The following ZNF676 variants were observed in gnomAD, a reference collection of about 807,000 sequenced individuals.
The protein encoded by ZNF676 is zinc finger protein 676.
In ZNF676, 4 loss-of-function variants were observed where a neutral mutation model predicts 6.0. The ratio of observed to expected loss-of-function variants is 0.67; its 90% CI spans 0.33 to 1.53. The LOEUF is 1.53. Among genes scored for constraint, ZNF676 ranks in the 40% most tolerant of loss-of-function variants. ZNF676 has a pLI of 0.06. For missense variants in ZNF676, 644 were observed against 679.7 expected, an observed-to-expected ratio of 0.95 and a Z score of 0.58; for synonymous variants, 198 against 223.1, an observed-to-expected ratio of 0.89 and a Z score of 1.00.
chr19:22,215,969 C>G (rs527624902), upstream of ZNF676, among the ~76,000 whole-genome samples: 2 of 152,340 alleles, frequency 1.3e-5, no homozygotes, highest in Non-Finnish European at 2.9e-5. Context: ...GCAGGGCTTC[C>G]TCCCTGAGCT....
At chr19:22,203,433 G>C (rs1433368986) in intron 1 of ZNF676, 1 of 152,314 alleles carries the variant, frequency 6.6e-6, no homozygotes, top group Non-Finnish European at 1.5e-5. Flanking sequence ...AGAGAAAAAA[G>C]TTAAAAGTGT....
chr19:22,219,594 T>G (rs567160552), upstream of ZNF676, among the ~76,000 whole-genome samples: 1 of 152,234 alleles, frequency 6.6e-6, no homozygotes, highest in East Asian at 1.9e-4. Flanking sequence ...CTTGTTCCAG[T>G]TCTCAGAAAA....
chr19:22,199,698 T>C (rs2024004948), upstream of ZNF676, among the ~76,000 whole-genome samples: 1 of 152,216 alleles, frequency 6.6e-6, no homozygotes, highest in South Asian at 2.1e-4. Context: ...TAATAAAATT[T>C]AGATAAATTT....
At chr19:22,188,952 C>T (rs778405017) in intron 2 of ZNF676, among the ~76,000 whole-genome samples, 3 of 152,076 alleles carry the variant, frequency 2.0e-5, no homozygotes, top group Admixed American at 6.6e-5. Context: ...AGATTCAATG[C>T]CATTCCCATC....
At chr19:22,217,055 G>A (rs1435776345), upstream of ZNF676, among the ~76,000 whole-genome samples, 1 of 151,694 alleles carries the variant, frequency 6.6e-6, no homozygotes, top group Non-Finnish European at 1.5e-5. Context: ...TTGGTTACAT[G>A]GATAAGTTCC....
the ZNF676 span, among the ~76,000 whole-genome samples, chr19:22,240,559 TGAG>T: frequency 6.6e-6 from 1 of 151,904 alleles, no homozygotes; most frequent in African/African-American, 2.4e-5. Flanking sequence ...TCTGGGAGGC[TGAG>T]GAGGGTGGAT....
At chr19:22,252,070 A>C in the ZNF676 span, among the ~76,000 whole-genome samples, 1 of 152,178 alleles carries the variant, frequency 6.6e-6, no homozygotes, top group African/African-American at 2.4e-5. Flanking sequence ...TTAAGAACTC[A>C]AGACTTATAA....
At chr19:22,216,138 A>G (rs1382449217), upstream of ZNF676, among the ~76,000 whole-genome samples, 1 of 152,250 alleles carries the variant, frequency 6.6e-6, no homozygotes, top group Non-Finnish European at 1.5e-5. Context: ...GTAATAGTGT[A>G]TTATCAATAC....
Position 22,211,041 on chromosome 19 carries a change from C to G in ZNF676, c.3+4591G>C, listed in dbSNP as rs150099973. Among the ~76,000 whole-genome samples, 1,174 of 151,482 alleles carry G rather than the reference C, an allele frequency of 7.8e-3. 24 individuals carry two copies. Among genetic ancestry groups the G allele is most frequent in the African/African-American group, 0.026 (1,078 of 41,286 alleles). ...GCCTTTTCTACCTAATCTTTATAAT[C>G]CTTAAAGATCTTATAGTTGGTACTT... On this transcript the variant is annotated intron_variant, in intron 1 of 3. Transcript: ENST00000650058.
chr19:22,248,393 T>A, the ZNF676 span, among the ~76,000 whole-genome samples: 1 of 152,174 alleles, frequency 6.6e-6, no homozygotes, highest in East Asian at 1.9e-4. Flanking sequence ...TTCTCCACAT[T>A]CTCTCCAGCA....
upstream of ZNF676, among the ~76,000 whole-genome samples, chr19:22,216,829 G>A (rs1256901505): frequency 4.6e-5 from 7 of 151,416 alleles, no homozygotes; most frequent in African/African-American, 7.3e-5. Flanking sequence ...CCAGCTATTC[G>A]GGGGCTAAAG....
the ZNF676 span, among the ~76,000 whole-genome samples, chr19:22,239,766 C>T: frequency 6.6e-6 from 1 of 152,112 alleles, no homozygotes; most frequent in South Asian, 2.1e-4. Flanking sequence ...TTGGGCATGT[C>T]TCCTGCAACA....
At chr19:22,182,699 A>C (rs1476768882) in intron 2 of ZNF676, among the ~76,000 whole-genome samples, 2 of 151,472 alleles carry the variant, frequency 1.3e-5, no homozygotes, top group Admixed American at 1.3e-4. Flanking sequence ...CAAAATAACC[A>C]AATTCTTAAA....
the ZNF676 span, chr19:22,244,626 T>A: frequency 6.6e-6 from 1 of 152,176 alleles, no homozygotes; most frequent in African/African-American, 2.4e-5. Flanking sequence ...AGCCCAGTGA[T>A]ATTTTACAAT....
At position 22,188,908 on chromosome 19, in the gene ZNF676, C is replaced by T. The variant is rs151195628; in HGVS notation, c.130+4108G>A. Among the ~76,000 whole-genome samples, 811 of 152,174 alleles carry T rather than the reference C, an allele frequency of 5.3e-3. 6 individuals are homozygous for T. The highest frequency in any genetic ancestry group is 0.018 in the African/African-American group (757 of 41,534). On this transcript the variant is annotated intron_variant, in intron 2 of 2. Coordinates refer to ENST00000397121, the MANE Select transcript of ZNF676 (RefSeq NM_001001411.3). ...GCTCATGCATAGGAACAATCAATAT[C>T]GTGAAAATGGCCATACTGCCCAAAG...
the ZNF676 span, among the ~76,000 whole-genome samples, chr19:22,231,105 G>A: frequency 2.6e-5 from 4 of 152,034 alleles, no homozygotes; most frequent in Non-Finnish European, 4.4e-5. Flanking sequence ...AATTTTGAGA[G>A]TAAAATCTTT....
At chr19:22,205,496 C>T (rs1173658027) in intron 1 of ZNF676, among the ~76,000 whole-genome samples, 1 of 152,012 alleles carries the variant, frequency 6.6e-6, no homozygotes, top group African/African-American at 2.4e-5. Context: ...AATTCAATAC[C>T]AATAAAACAA....
intron 1 of ZNF676, among the ~76,000 whole-genome samples, chr19:22,208,737 A>T (rs1269238241): frequency 6.6e-6 from 1 of 152,090 alleles, no homozygotes; most frequent in Non-Finnish European, 1.5e-5. Flanking sequence ...TGAGCTCAGG[A>T]GTTTGAGACC....
the ZNF676 span, among the ~76,000 whole-genome samples, chr19:22,241,355 C>A: frequency 6.6e-6 from 1 of 151,894 alleles, no homozygotes; most frequent in African/African-American, 2.4e-5. Flanking sequence ...ACAAAAGACC[C>A]AATCCCTCCT....
Sources: gnomAD v4.1 joint callset for allele counts (sites outside exome capture counted in the v4.1 genomes callset) on GRCh38, gnomAD v4.1.1 for gene constraint, MANE v1.5 for transcripts, NCBI Gene and HGNC (gene_info 2026-07-23, HGNC 2026-07-21) for gene names.